Variants in CREB5 observed in about 807,000 individuals in gnomAD.
CREB5 encodes cyclic AMP-responsive element-binding protein 5.
A neutral mutation model predicts 57.1 loss-of-function variants in CREB5; 19 were observed. The ratio of observed to expected loss-of-function variants is 0.33; its 90% CI spans 0.23 to 0.49. The LOEUF is 0.49. Ranked by LOEUF, CREB5 falls within the 20% of genes least tolerant of loss-of-function variation. The probability of loss-of-function intolerance (pLI) is 0.99; values close to 1 mark genes in which losing one functional copy is unlikely to be tolerated. For missense variants in CREB5, 579 were observed against 671.6 expected, an observed-to-expected ratio of 0.86 and a Z score of 1.52; for synonymous variants, 238 against 238.3, an observed-to-expected ratio of 1.00 and a Z score of 0.01.
chr7:28,502,167 T>G (rs1323530755), intron 3 of CREB5, among the ~76,000 whole-genome samples: 2 of 152,194 alleles, frequency 1.3e-5, no homozygotes, highest in Non-Finnish European at 2.9e-5. Flanking sequence ...CTATTATATA[T>G]TCACACTCAA....
At chr7:28,790,455 AGAGAGATAGAGAGAGAG>A (rs1562642963) in intron 7 of CREB5, among the ~76,000 whole-genome samples, 1 of 34,864 alleles carries the variant, frequency 2.9e-5, no homozygotes, top group African/African-American at 1.5e-4. Context: ...AGAGAGAGAG[AGAGAGATAGAGAGAGAG>A]AGAAAGAAAG....
chr7:28,804,959 T>C (rs1270401989), intron 8 of CREB5, among the ~76,000 whole-genome samples: 1 of 152,186 alleles, frequency 6.6e-6, no homozygotes, highest in Non-Finnish European at 1.5e-5. Flanking sequence ...TTGTCACCTG[T>C]AAAATGGAAG....
At chr7:28,381,092 A>G (rs1163595663) in intron 1 of CREB5, among the ~76,000 whole-genome samples, 1 of 152,110 alleles carries the variant, frequency 6.6e-6, no homozygotes, top group African/African-American at 2.4e-5. Context: ...CTCCCTTTCA[A>G]GCTAGGATCT....
intron 4 of CREB5, among the ~76,000 whole-genome samples, chr7:28,525,498 A>G (rs997501522): frequency 7.9e-5 from 12 of 152,046 alleles, no homozygotes; most frequent in Non-Finnish European, 1.2e-4. Context: ...TATTATTATT[A>G]TTATTATTTA....
intron 1 of CREB5, among the ~76,000 whole-genome samples, chr7:28,345,500 T>C (rs1159130797): frequency 6.6e-6 from 1 of 152,110 alleles, no homozygotes; most frequent in Non-Finnish European, 1.5e-5. Flanking sequence ...GGGTGAATGG[T>C]GCTGGGAGGG....
At position 28,489,281 on chromosome 7, in the gene CREB5, T is replaced by G. The variant is rs190653013; in HGVS notation, c.75+1035T>G. Among the ~76,000 whole-genome samples the G allele has an allele frequency of 6.7e-5, 10 of 150,148 alleles. 1 individual carries two copies. The East Asian group carries it at 2.0e-3, about 29-fold the overall frequency. On this transcript the variant is annotated intron_variant, in intron 2 of 10. Transcript: ENST00000357727. Reference sequence around the variant, plus strand: ...CAGATGAGAGCTTGATAAGAAGGATTCATTGAGGACCCTTCTTTTTTTTTT... The same window carrying G: ...CAGATGAGAGCTTGATAAGAAGGATGCATTGAGGACCCTTCTTTTTTTTTT...
At chr7:28,813,914 C>T (rs1057101152) in intron 9 of CREB5, among the ~76,000 whole-genome samples, 2 of 152,116 alleles carry the variant, frequency 1.3e-5, no homozygotes, top group African/African-American at 4.8e-5. Context: ...TTCCACCAGA[C>T]AATCAATACA....
At chr7:28,488,017 G>C (rs1562751207) in intron 1 of CREB5, among the ~76,000 whole-genome samples, 158 bp from the exon 2 acceptor site, 1 of 152,194 alleles carries the variant, frequency 6.6e-6, no homozygotes, top group Admixed American at 6.5e-5. Flanking sequence ...CAGCCAAGCA[G>C]GGCCTGTGCT....
intron 1 of CREB5, among the ~76,000 whole-genome samples, chr7:28,371,008 A>G (rs1786695367): frequency 6.6e-6 from 1 of 152,240 alleles, no homozygotes. Flanking sequence ...TGAAGGAAAG[A>G]AGTATTTTCC....
intron 4 of CREB5, among the ~76,000 whole-genome samples, chr7:28,552,042 C>T (rs895351475): frequency 3.8e-4 from 55 of 144,752 alleles, no homozygotes; most frequent in African/African-American, 1.4e-3. Flanking sequence ...TTTTCTCTCT[C>T]CTCTCTTCTC....
chr7:28,373,432 T>C (rs555870500), intron 1 of CREB5, among the ~76,000 whole-genome samples: 1 of 102,802 alleles, frequency 9.7e-6, no homozygotes, highest in East Asian at 3.9e-4. Context: ...TTCTTTTTCT[T>C]TTTTTCTTTT....
intron 8 of CREB5, 74 bp downstream of exon 8, chr7:28,804,596 T>C (rs1361193383): frequency 2.0e-6 from 3 of 1,532,528 alleles, no homozygotes; most frequent in Non-Finnish European, 2.7e-6. Context: ...GCTGGGGTCA[T>C]TTGCAGCAAT....
rs1554344299 is a variant in CREB5 at position 28,560,855 on chromosome 7, T to TGCGTGCGTGCGC, written c.292-9509_292-9508insCGTGCGTGCGCG. Among the ~76,000 whole-genome samples, 3 of 56,388 alleles carry TGCGTGCGTGCGC rather than the reference T, an allele frequency of 5.3e-5. 1 individual carries two copies. The highest frequency in any genetic ancestry group is 1.4e-4 in the African/African-American group (2 of 14,138). The allele number at this position is 56,388 out of a possible 152,430, so 37.0% of individuals were successfully genotyped here. A position where few individuals can be genotyped will look rare whatever the true frequency, so the allele number is the denominator to read the frequency against. ...GCGCGTGTGTGTGTGCGCGTGTGTGTGTGCGTGTGCCTGCGTGCGCGTGCG... is the reference window on the plus strand; with the variant it reads ...GCGCGTGTGTGTGTGCGCGTGTGTGTGCGTGCGTGCGCGTGCGTGTGCCTGCGTGCGCGTGCG... On this transcript the variant is annotated intron_variant, in intron 4 of 10. Coordinates refer to ENST00000357727, the MANE Select transcript of CREB5 (RefSeq NM_182898.4).
At chr7:28,706,430 T>C (rs1375125821) in intron 5 of CREB5, among the ~76,000 whole-genome samples, 3 of 151,974 alleles carry the variant, frequency 2.0e-5, no homozygotes, top group African/African-American at 7.3e-5. Flanking sequence ...ATGTAGCAGG[T>C]GTATTTATGT....
chr7:28,327,342 A>G (rs9769442), intron 1 of CREB5, among the ~76,000 whole-genome samples: 1,715 of 152,174 alleles, frequency 0.011, 32 homozygotes, highest in African/African-American at 0.04. Context: ...TTTGTCATGT[A>G]CCTCAGAGTG....
At chr7:28,336,577 CTTCT>C (rs1785826118) in intron 1 of CREB5, among the ~76,000 whole-genome samples, 1 of 151,528 alleles carries the variant, frequency 6.6e-6, no homozygotes, top group Admixed American at 6.6e-5. Context: ...TTATTTGGGT[CTTCT>C]TTCTTTTTTC....
At chr7:28,330,448 A>G (rs1345040839) in intron 1 of CREB5, among the ~76,000 whole-genome samples, 6 of 129,790 alleles carry the variant, frequency 4.6e-5, no homozygotes, top group Non-Finnish European at 9.5e-5. Flanking sequence ...TCGTCAGAGG[A>G]ACCTTTTCTC....
chr7:28,774,683 G>A (rs1806521308), intron 7 of CREB5, among the ~76,000 whole-genome samples: 1 of 152,206 alleles, frequency 6.6e-6, no homozygotes, highest in Non-Finnish European at 1.5e-5. Flanking sequence ...GGTGGGTAAT[G>A]AAAGGACATC....
rs869277871 is a variant in CREB5 at position 28,306,555 on chromosome 7, G to GTTTTTTTTTT, written c.-25+7128_-25+7137dup. On this transcript the variant is annotated intron_variant, in intron 1 of 9. Coordinates refer to the CREB5 transcript ENST00000396299. ...ATACAGATACAGTTTTGTTTTTTTT[G>GTTTTTTTTTT]TTTTTTTTTTTTTTTTTTTTTTTGA... is the stretch of plus-strand genomic sequence containing the variant. Among the ~76,000 whole-genome samples, 313 of 58,064 alleles carry GTTTTTTTTTT rather than the reference G, an allele frequency of 5.4e-3. 2 individuals carry two copies. The highest frequency in any genetic ancestry group is 0.014 in the Middle Eastern group (1 of 74). 38.1% of individuals were successfully genotyped at this position (58,064 alleles called of 152,430 possible). A position where few individuals can be genotyped will look rare whatever the true frequency, so the allele number is the denominator to read the frequency against.
Sources: allele counts gnomAD v4.1 joint callset (sites outside exome capture counted in the v4.1 genomes callset), GRCh38; gene constraint gnomAD v4.1.1; transcripts MANE v1.5; gene names NCBI Gene and HGNC (gene_info 2026-07-23, HGNC 2026-07-21).